ARSH: variants seen among roughly 807,000 people sequenced by gnomAD.
ARSH encodes the protein arylsulfatase family member H, also known as arylsulfatase H.
A neutral mutation model predicts 28.7 loss-of-function variants in ARSH; 32 were observed. The ratio of observed to expected loss-of-function variants is 1.11; its 90% CI spans 0.84 to 1.50. The LOEUF (loss-of-function observed/expected upper bound fraction) is 1.50, where lower values mean the gene tolerates loss of function less well. Among genes scored for constraint, ARSH ranks in the 40% most tolerant of loss-of-function variants. The pLI, the probability that ARSH is intolerant of heterozygous loss-of-function variation, is 0.00. For missense variants in ARSH, 440 were observed against 452.4 expected, an observed-to-expected ratio of 0.97 and a Z score of 0.25; for synonymous variants, 176 against 177.3, an observed-to-expected ratio of 0.99 and a Z score of 0.06.
At chrX:3,026,272 A>T (rs996525974) in intron 6 of ARSH, among the ~76,000 whole-genome samples, 72 of 110,916 alleles carry the variant, frequency 6.5e-4, no homozygotes, top group African/African-American at 2.3e-3. Flanking sequence ...ACTGCACTCC[A>T]GTCTGGGTGA....
intron 5 of ARSH, among the ~76,000 whole-genome samples, chrX:3,021,881 T>TTGTGTGTGTGTGTGTG (rs3032484): frequency 5.3e-5 from 5 of 94,258 alleles, no homozygotes; most frequent in Admixed American, 1.2e-4. Flanking sequence ...TCTGGCCAAT[T>TTGTGTGTGTGTGTGTG]TGTGTGTGTG....
intron 8 of ARSH, among the ~76,000 whole-genome samples, chrX:3,032,542 A>C (rs1363731474): frequency 9.5e-6 from 1 of 105,002 alleles, no homozygotes; most frequent in Non-Finnish European, 2.0e-5. Flanking sequence ...AAATGGAGGA[A>C]AAAAGGAAGG....
Position 3,033,999 on chromosome X carries a change from A to G in ARSH, c.*614A>G, listed in dbSNP as rs1169320123. On this transcript the variant is annotated 3_prime_UTR_variant, in exon 9 of 9. Transcript: ENST00000381130. ...CTGTGATTTGGTTTCTTCATGTGTA[A>G]AATAAGGAAAACCAGTGTCTACTTC... 8.9e-6 allele frequency among the ~76,000 whole-genome samples: 1 copy of G among 111,734 alleles called. No homozygotes were observed. Among genetic ancestry groups the G allele is most frequent in the Non-Finnish European group, 1.9e-5 (1 of 53,246 alleles).
At chrX:3,017,852 C>G (rs2089870128) in intron 4 of ARSH, among the ~76,000 whole-genome samples, 3 of 112,193 alleles carry the variant, frequency 2.7e-5, no homozygotes, top group African/African-American at 9.7e-5. Context: ...CTTCTGAACT[C>G]ATACCTAAAA....
intron 1 of ARSH, among the ~76,000 whole-genome samples, chrX:3,007,950 T>C (rs781617065): frequency 6.3e-5 from 7 of 111,466 alleles, no homozygotes; most frequent in Non-Finnish European, 1.3e-4. Context: ...AAGGGTCCAC[T>C]TTAACGACCT....
chrX:3,032,720 C>G (rs2089917865), intron 8 of ARSH, among the ~76,000 whole-genome samples: 1 of 111,857 alleles, frequency 8.9e-6, no homozygotes. Context: ...TTTGTTTGTA[C>G]CTAATCAGAT....
At chrX:3,027,250 G>A (rs1247388300) in intron 6 of ARSH, 63 bp from the exon 7 acceptor site, 8 of 1,158,652 alleles carry the variant, frequency 6.9e-6, no homozygotes, top group African/African-American at 1.8e-5. Flanking sequence ...GTGAGCCACC[G>A]TGCCCGGCCA....
intron 2 of ARSH, among the ~76,000 whole-genome samples, chrX:3,011,384 G>T (rs1256211381): frequency 1.8e-5 from 2 of 109,023 alleles, no homozygotes; most frequent in Non-Finnish European, 3.8e-5. Flanking sequence ...GAATAGCTGG[G>T]ATTACAGTCA....
In ARSH at chrX:3,015,411, G is replaced by C. The variant is rs2089863504; in HGVS notation, c.764+18G>C. On this transcript the variant is annotated intron_variant, in intron 4 of 8. Coordinates refer to ENST00000381130, the MANE Select transcript of ARSH (RefSeq NM_001011719.2). ...ATTGAAAGGTATTTAGCCATTTCTT[G>C]CCTGATTTCCTGCATGGAAATTTTA... 8.4e-7 allele frequency: 1 copy of C among 1,193,071 alleles called. No individual in the cohort carries two copies. Among genetic ancestry groups the C allele is most frequent in the Non-Finnish European group, 1.1e-6 (1 of 886,599 alleles).
intron 2 of ARSH, among the ~76,000 whole-genome samples, chrX:3,012,583 A>ATATAT (rs1555914116): frequency 0.055 from 985 of 17,856 alleles, 28 homozygotes; most frequent in East Asian, 0.2. Flanking sequence ...ATATATATAT[A>ATATAT]TATATATATA....
chrX:3,027,730 G>T (rs1159010536), intron 7 of ARSH, among the ~76,000 whole-genome samples: 2 of 111,856 alleles, frequency 1.8e-5, no homozygotes, highest in Admixed American at 1.9e-4. Context: ...GATGGGATCT[G>T]ATTCTCATAC....
chrX:3,006,804 A>G (rs1346163681), intron 1 of ARSH, 100 bp downstream of exon 1: 1 of 713,484 alleles, frequency 1.4e-6, no homozygotes, highest in Non-Finnish European at 2.1e-6. Flanking sequence ...GAGAGAAGTC[A>G]TTGTCTGATG....
chrX:3,022,775 C>T (rs2089887790), intron 5 of ARSH, among the ~76,000 whole-genome samples: 2 of 111,687 alleles, frequency 1.8e-5, no homozygotes, highest in African/African-American at 6.5e-5. Flanking sequence ...GCAAGAATAA[C>T]CTGCAATTTC....
intron 2 of ARSH, 152 bp from the exon 3 acceptor site, chrX:3,012,895 G>A (rs1463970165): frequency 1.7e-6 from 1 of 590,365 alleles, no homozygotes. Flanking sequence ...AGTGAAAAAA[G>A]GAGGGTCAAG....
intron 6 of ARSH, among the ~76,000 whole-genome samples, chrX:3,026,616 C>T (rs1231284919): frequency 9.0e-6 from 1 of 111,598 alleles, no homozygotes; most frequent in East Asian, 2.8e-4. Flanking sequence ...CTGTAACAAC[C>T]GCCTCAGTCT....
intron 6 of ARSH, among the ~76,000 whole-genome samples, chrX:3,026,491 A>G (rs1362135671): frequency 9.0e-6 from 1 of 111,260 alleles, no homozygotes; most frequent in Admixed American, 9.6e-5. Context: ...AAGACATTCA[A>G]TGAAAATTTC....
chrX:3,029,077 C>CAAA (rs377018684), intron 7 of ARSH, among the ~76,000 whole-genome samples, 170 bp from the exon 8 acceptor site: 4 of 81,027 alleles, frequency 4.9e-5, no homozygotes, highest in Non-Finnish European at 9.8e-5. Flanking sequence ...GACTCCATTT[C>CAAA]AAAAAAAAAA....
At chrX:3,009,989 T>C in intron 1 of ARSH, 41 bp from the exon 2 acceptor site, 1 of 1,198,305 alleles carries the variant, frequency 8.3e-7, no homozygotes, top group South Asian at 1.8e-5. Context: ...GTATTGAGAA[T>C]TTTTAGAAAC....
intron 6 of ARSH, among the ~76,000 whole-genome samples, chrX:3,026,431 C>T (rs1199099304): frequency 7.1e-5 from 8 of 112,201 alleles, no homozygotes; most frequent in Non-Finnish European, 1.3e-4. Context: ...TAGAGGCTTC[C>T]GGTTTTGTGT....
Sources: gnomAD v4.1 joint callset for allele counts (sites outside exome capture counted in the v4.1 genomes callset) on GRCh38, gnomAD v4.1.1 for gene constraint, MANE v1.5 for transcripts, NCBI Gene and HGNC (gene_info 2026-07-23, HGNC 2026-07-21) for gene names.